The following SLC30A9 variants were observed in gnomAD, a reference collection of about 807,000 sequenced individuals.
SLC30A9 encodes solute carrier family 30 member 9.
Under a neutral mutation model 87.5 loss-of-function variants are expected in SLC30A9, and 58 were observed. The ratio of observed to expected loss-of-function variants is 0.66; its 90% CI spans 0.54 to 0.82. The LOEUF is 0.82. SLC30A9 is among the 40% of genes least tolerant of loss of function. SLC30A9 has a pLI of 0.00. For synonymous variants in SLC30A9, 234 were observed against 233.0 expected (o/e 1.00, Z -0.04); for missense variants, 557 against 679.1 (o/e 0.82, Z 2.00).
intron 3 of SLC30A9, chr4:42,018,632 C>T: frequency 4.1e-6 from 1 of 243,194 alleles, no homozygotes; most frequent in Non-Finnish European, 8.0e-6. Context: ...ATGGAGGCAG[C>T]AACTCTATGA....
intron 8 of SLC30A9, among the ~76,000 whole-genome samples, chr4:42,042,996 GAA>G (rs1716984856): frequency 2.0e-5 from 3 of 152,284 alleles, no homozygotes; most frequent in Admixed American, 6.5e-5. Flanking sequence ...CTGACTGTTA[GAA>G]AGAAAACTAA....
At chr4:42,051,921 A>G (rs1717398127) in intron 9 of SLC30A9, among the ~76,000 whole-genome samples, 1 of 151,632 alleles carries the variant, frequency 6.6e-6, no homozygotes, top group South Asian at 2.1e-4. Flanking sequence ...AACCCTACAG[A>G]CCAGTTATTC....
intron 6 of SLC30A9, among the ~76,000 whole-genome samples, chr4:42,032,844 G>C (rs1484226359): frequency 6.6e-6 from 1 of 152,094 alleles, no homozygotes; most frequent in Non-Finnish European, 1.5e-5. Context: ...TTCCTGTCCT[G>C]GGTTGGTAAT....
At chr4:42,057,636 A>G (rs935474368) in intron 9 of SLC30A9, among the ~76,000 whole-genome samples, 9 of 152,170 alleles carry the variant, frequency 5.9e-5, no homozygotes, top group Admixed American at 2.0e-4. Flanking sequence ...AAGGTCTTTG[A>G]CATGCCCTAG....
chr4:42,072,850 G>A (rs111635451), intron 15 of SLC30A9, among the ~76,000 whole-genome samples: 2 of 84,392 alleles, frequency 2.4e-5, no homozygotes, highest in African/African-American at 9.7e-5. Flanking sequence ...TTTTGTTCTT[G>A]TTGCCCAGGC....
chr4:42,002,641 G>A (rs1467752352), intron 2 of SLC30A9, among the ~76,000 whole-genome samples: 1 of 152,060 alleles, frequency 6.6e-6, no homozygotes, highest in Admixed American at 6.6e-5. Context: ...ATTCCATGGT[G>A]TATATGTACC....
chr4:41,995,558 T>A (rs1041425072), intron 1 of SLC30A9, among the ~76,000 whole-genome samples: 1 of 152,168 alleles, frequency 6.6e-6, no homozygotes, highest in African/African-American at 2.4e-5. Context: ...ATGGGCTATT[T>A]CATTCGATAA....
At position 42,053,116 on chromosome 4, in the gene SLC30A9, G is replaced by C. The variant is rs1479091379; in HGVS notation, c.840+3637G>C. Reference sequence around the variant, plus strand: ...TGGTGGCCAGTGGACACCTGAAAATGTGCTAACACCGTTAATGATCAGGAA... The same window carrying C: ...TGGTGGCCAGTGGACACCTGAAAATCTGCTAACACCGTTAATGATCAGGAA... On this transcript the variant is annotated intron_variant, in intron 9 of 17. Transcript: ENST00000264451. 2.6e-5 allele frequency among the ~76,000 whole-genome samples: 4 copies of C among 152,278 alleles called. No individual in the cohort carries two copies. In the East Asian group the frequency reaches 7.7e-4, roughly 29 times the overall value.
At chr4:42,022,131 TTG>T (rs1715988375) in intron 4 of SLC30A9, among the ~76,000 whole-genome samples, 1 of 151,608 alleles carries the variant, frequency 6.6e-6, no homozygotes, top group Non-Finnish European at 1.5e-5. Context: ...AGACAGGGTT[TTG>T]CAGGTTGCAC....
chr4:42,043,060 A>G (rs1240427069), intron 8 of SLC30A9, among the ~76,000 whole-genome samples: 3 of 152,066 alleles, frequency 2.0e-5, no homozygotes, highest in African/African-American at 2.4e-5. Flanking sequence ...CCACACAAAA[A>G]CCCCATCCAA....
chr4:42,018,371 C>T, intron 3 of SLC30A9: 1 of 1,193,236 alleles, frequency 8.4e-7, no homozygotes. Context: ...GCATTTTTGT[C>T]ACAAATTTTT....
intron 9 of SLC30A9, among the ~76,000 whole-genome samples, chr4:42,049,992 A>T (rs757294960): frequency 2.0e-5 from 3 of 152,152 alleles, no homozygotes; most frequent in Admixed American, 6.5e-5. Context: ...TGTGCATCCT[A>T]TTACATTTTA....
chr4:42,051,874 A>G (rs1051125334), intron 9 of SLC30A9, among the ~76,000 whole-genome samples: 1 of 151,986 alleles, frequency 6.6e-6, no homozygotes, highest in African/African-American at 2.4e-5. Context: ...TATAACCCTG[A>G]TGCCAAAATT....
At chr4:42,025,060 CATA>C (rs1716130636) in intron 6 of SLC30A9, among the ~76,000 whole-genome samples, 2 of 151,640 alleles carry the variant, frequency 1.3e-5, no homozygotes, top group African/African-American at 4.8e-5. Context: ...CAGAGAAAAA[CATA>C]ATAACCTTTT....
intron 1 of SLC30A9, among the ~76,000 whole-genome samples, chr4:41,999,545 C>A (rs1055925469): frequency 6.6e-6 from 1 of 152,044 alleles, no homozygotes; most frequent in African/African-American, 2.4e-5. Context: ...GCCTTTACAG[C>A]CATTGATTTA....
At chr4:42,041,653 T>C (rs1424007572) in intron 8 of SLC30A9, among the ~76,000 whole-genome samples, 1 of 152,126 alleles carries the variant, frequency 6.6e-6, no homozygotes, top group East Asian at 1.9e-4. Context: ...GGAGAATCAT[T>C]TGAGCCCAGG....
At chr4:42,030,321 T>A (rs1340485292) in intron 6 of SLC30A9, among the ~76,000 whole-genome samples, 2 of 152,168 alleles carry the variant, frequency 1.3e-5, no homozygotes, top group African/African-American at 4.8e-5. Context: ...CAACAAAATA[T>A]TCTACTGTAA....
At position 42,018,132 on chromosome 4, in the gene SLC30A9, T is replaced by C. The variant is rs1049758979; in HGVS notation, c.296T>C (p.Leu99Pro). The C allele has an allele frequency of 8.3e-6, 13 of 1,564,940 alleles. No individual in the cohort carries two copies. The highest frequency in any genetic ancestry group is 1.1e-5 in the Non-Finnish European group (13 of 1,138,660). ...ACAGCAGAAGGTATAGGCACAGAAC[T>C]CAAAGCTCCACTTAAGCAAGAACCT... ...FETAEGIGTE[L>P]KAPLKQEPLQ... Residue 99 changes from leucine (L) to proline (P), a missense_variant, in exon 3 of 18, where the codon CTC becomes CCC. Transcript: ENST00000264451.
rs1717783260 is a variant in SLC30A9, at chr4:42,060,124, T to G, written c.841-67T>G. The stretch of plus-strand genomic sequence containing the variant: ...CATTGTTAGCCTGCACCCTCCACAT[T>G]GGCTTTACCATATTATACTCTCCAT... On this transcript the variant is annotated intron_variant, in intron 9 of 17. Transcript: ENST00000264451. The G allele has an allele frequency of 5.8e-6, 7 of 1,217,270 alleles. No homozygotes were observed. In the Admixed American group the frequency reaches 6.7e-5, roughly 12 times the overall value. 75.4% of individuals were successfully genotyped at this position (1,217,270 alleles called of 1,614,324 possible).
Sources: allele counts gnomAD v4.1 joint callset (sites outside exome capture counted in the v4.1 genomes callset), GRCh38; gene constraint gnomAD v4.1.1; transcripts MANE v1.5; gene names NCBI Gene and HGNC (gene_info 2026-07-23, HGNC 2026-07-21).